Variants in RAPGEF4 observed in about 807,000 individuals in gnomAD.
RAPGEF4 encodes the protein RAP guanine-nucleotide-exchange factor (GEF) 4.
In RAPGEF4, 66 loss-of-function variants were observed where a neutral mutation model predicts 147.9. The ratio of observed to expected loss-of-function variants is 0.45; its 90% CI spans 0.37 to 0.55. The LOEUF is 0.55. Among genes scored for constraint, RAPGEF4 ranks in the 20% least tolerant of loss-of-function variants. The probability of loss-of-function intolerance (pLI) is 0.00; values close to 1 mark genes in which losing one functional copy is unlikely to be tolerated. For missense variants in RAPGEF4, 1,071 were observed against 1,257.3 expected, an observed-to-expected ratio of 0.85 and a Z score of 2.24; for synonymous variants, 419 against 442.7, an observed-to-expected ratio of 0.95 and a Z score of 0.67.
intron 1 of RAPGEF4, among the ~76,000 whole-genome samples, chr2:172,742,091 A>G (rs1286023861): frequency 6.6e-6 from 1 of 152,212 alleles, no homozygotes; most frequent in Non-Finnish European, 1.5e-5. Context: ...AGCAAATCCC[A>G]TGTATTTCAT....
intron 30 of RAPGEF4, among the ~76,000 whole-genome samples, chr2:173,049,244 T>A (rs563952507): frequency 2.0e-5 from 3 of 152,314 alleles, no homozygotes; most frequent in African/African-American, 7.2e-5. Context: ...ATAAAAAAAT[T>A]ACTAATAATA....
intron 4 of RAPGEF4, chr2:172,860,267 C>T (rs977228007): frequency 3.0e-6 from 3 of 985,286 alleles, no homozygotes; most frequent in Admixed American, 1.2e-4. Flanking sequence ...CCCTAGGGCT[C>T]CTGCCGTGGT....
At position 172,736,058 on chromosome 2, in the gene RAPGEF4, C is replaced by T. The variant is rs941335143; in HGVS notation, c.65+10C>T. On this transcript the variant is annotated intron_variant, in intron 1 of 30. Coordinates refer to ENST00000397081, the MANE Select transcript of RAPGEF4 (RefSeq NM_007023.4). ...CCTGCCTGGATAAAAGGTAGCTCGC[C>T]GGGGGCCGCAGCCGGGGGCCGAGCT... The T allele has an allele frequency of 6.8e-7, 1 of 1,464,086 alleles. No individual in the cohort carries two copies. 90.7% of individuals were successfully genotyped at this position (1,464,086 alleles called of 1,614,324 possible).
At chr2:172,761,824 A>G (rs1242709629) in intron 1 of RAPGEF4, among the ~76,000 whole-genome samples, 1 of 151,922 alleles carries the variant, frequency 6.6e-6, no homozygotes, top group African/African-American at 2.4e-5. Flanking sequence ...ACTATCCTTA[A>G]AAAAACATGC....
chr2:172,784,246 C>T (rs1034099598), intron 1 of RAPGEF4, among the ~76,000 whole-genome samples: 6 of 152,150 alleles, frequency 3.9e-5, no homozygotes, highest in African/African-American at 9.7e-5. Context: ...GAGCCTGGAG[C>T]GGTGGCTCAC....
chr2:172,860,567 GTT>G (rs11400519), intron 4 of RAPGEF4, among the ~76,000 whole-genome samples: 9 of 129,516 alleles, frequency 6.9e-5, no homozygotes, highest in Admixed American at 7.9e-5. Flanking sequence ...GTTTATTTGG[GTT>G]TTTTTTTTTT....
Position 173,052,156 on chromosome 2 carries a change from T to C in RAPGEF4, c.*389T>C, listed in dbSNP as rs1686312255. The C allele has an allele frequency of 1.3e-5, 2 of 155,080 alleles. No individual in the cohort carries two copies. Among genetic ancestry groups the C allele is most frequent in the African/African-American group, 4.8e-5 (2 of 41,526 alleles). 9.6% of individuals were successfully genotyped at this position (155,080 alleles called of 1,614,324 possible). ...GGGATGAGATGTGCTACAAATGGGA[T>C]AGATTTGGATAAAATTTTAACTCAA... On this transcript the variant is annotated 3_prime_UTR_variant, in exon 31 of 31. Coordinates refer to ENST00000397081, the MANE Select transcript of RAPGEF4 (RefSeq NM_007023.4).
chr2:173,032,512 A>T (rs1332796907), intron 26 of RAPGEF4, among the ~76,000 whole-genome samples: 4 of 151,858 alleles, frequency 2.6e-5, no homozygotes, highest in Non-Finnish European at 5.9e-5. Flanking sequence ...AACATAATCC[A>T]CTCTTATTTT....
intron 29 of RAPGEF4, among the ~76,000 whole-genome samples, chr2:173,047,911 C>T (rs912147395): frequency 2.6e-5 from 4 of 152,108 alleles, no homozygotes; most frequent in African/African-American, 9.7e-5. Flanking sequence ...CTCCTGACCT[C>T]GTGATCCACC....
chr2:173,020,758 A>T, intron 23 of RAPGEF4, 43 bp downstream of exon 23: 1 of 1,510,140 alleles, frequency 6.6e-7, no homozygotes. Context: ...GCAATCAGAA[A>T]AACTTGTCTG....
chr2:172,772,721 G>A (rs1318737935), intron 1 of RAPGEF4, among the ~76,000 whole-genome samples: 1 of 152,248 alleles, frequency 6.6e-6, no homozygotes, highest in Non-Finnish European at 1.5e-5. Context: ...TGTTGAACGA[G>A]TATGTGAATA....
chr2:172,870,793 T>G lies in RAPGEF4; in HGVS notation c.445-47009T>G, dbSNP rs139416565. On this transcript the variant is annotated intron_variant, in intron 4 of 30. Transcript: ENST00000397081. ...TTTTTTCCTATCTATAAATTGAGAT[T>G]TAAATTTATTAAAATTCCTATGCAG... Among the ~76,000 whole-genome samples the G allele has an allele frequency of 1.4e-3, 212 of 152,328 alleles. 1 individual carries two copies. The highest frequency in any genetic ancestry group is 4.7e-3 in the African/African-American group (197 of 41,572).
At chr2:172,911,243 T>C (rs1700064344) in intron 4 of RAPGEF4, among the ~76,000 whole-genome samples, 1 of 152,138 alleles carries the variant, frequency 6.6e-6, no homozygotes, top group Admixed American at 6.5e-5. Context: ...GACCTATGAA[T>C]GAAAGAGACA....
intron 21 of RAPGEF4, 128 bp from the exon 22 acceptor site, chr2:173,018,528 G>A: frequency 1.0e-6 from 1 of 991,502 alleles, no homozygotes; most frequent in South Asian, 1.6e-5. Flanking sequence ...AAATGAGTAT[G>A]AATAAATACA....
chr2:172,803,342 A>G (rs1310606532), intron 3 of RAPGEF4, among the ~76,000 whole-genome samples: 1 of 152,200 alleles, frequency 6.6e-6, no homozygotes, highest in Non-Finnish European at 1.5e-5. Context: ...ACTTCTGTAC[A>G]TCTGCAGGCT....
At chr2:173,014,350 C>A in intron 17 of RAPGEF4, 114 bp from the exon 18 acceptor site, 1 of 1,327,826 alleles carries the variant, frequency 7.5e-7, no homozygotes, top group Non-Finnish European at 1.1e-6. Context: ...GGGAGGAATT[C>A]TATCCATCTA....
intron 4 of RAPGEF4, among the ~76,000 whole-genome samples, chr2:172,907,274 G>T (rs1292032292): frequency 6.6e-6 from 1 of 152,164 alleles, no homozygotes; most frequent in Admixed American, 6.5e-5. Context: ...TCAATCTGGG[G>T]ACAGGCATCT....
At chr2:172,751,481 G>A (rs1027629609) in intron 1 of RAPGEF4, among the ~76,000 whole-genome samples, 10 of 152,156 alleles carry the variant, frequency 6.6e-5, no homozygotes, top group Non-Finnish European at 5.9e-5. Flanking sequence ...AAGAGAATAT[G>A]GAGGTAGAGG....
chr2:172,755,200 C>T (rs1695657764), intron 1 of RAPGEF4, among the ~76,000 whole-genome samples: 1 of 152,172 alleles, frequency 6.6e-6, no homozygotes, highest in South Asian at 2.1e-4. Flanking sequence ...TCATATTCTA[C>T]TGGCCCCATA....
Sources: gnomAD v4.1 joint callset for allele counts (sites outside exome capture counted in the v4.1 genomes callset) on GRCh38, gnomAD v4.1.1 for gene constraint, MANE v1.5 for transcripts, NCBI Gene and HGNC (gene_info 2026-07-23, HGNC 2026-07-21) for gene names.